SLC35F4: variants seen among roughly 807,000 people sequenced by gnomAD.
The protein encoded by SLC35F4 is solute carrier family 35 member F4, also known as chromosome 14 open reading frame 36.
Under a neutral mutation model 44.2 loss-of-function variants are expected in SLC35F4, and 24 were observed. That is an observed-to-expected ratio of 0.54 (90% confidence interval 0.39 to 0.76). The LOEUF is 0.76. Ranked by LOEUF, SLC35F4 falls within the 30% of genes least tolerant of loss-of-function variation. The pLI, the probability that SLC35F4 is intolerant of heterozygous loss-of-function variation, is 0.00. For synonymous variants in SLC35F4, 238 were observed against 223.6 expected, an observed-to-expected ratio of 1.06 and a Z score of -0.57; for missense variants, 562 against 586.1, an observed-to-expected ratio of 0.96 and a Z score of 0.42.
At chr14:57,899,772 G>A (rs1888959567) in intron 1 of SLC35F4, among the ~76,000 whole-genome samples, 1 of 152,162 alleles carries the variant, frequency 6.6e-6, no homozygotes. Flanking sequence ...GTCCAGAGTT[G>A]GTTCCTGCCG....
chr14:57,690,560 G>T (rs940000508), intron 1 of SLC35F4, among the ~76,000 whole-genome samples: 2 of 152,040 alleles, frequency 1.3e-5, no homozygotes, highest in Non-Finnish European at 2.9e-5. Flanking sequence ...ATGAGGGATG[G>T]TTTGGGATGA....
intron 1 of SLC35F4, among the ~76,000 whole-genome samples, chr14:57,776,769 A>G (rs1256893201): frequency 6.6e-6 from 1 of 152,158 alleles, no homozygotes; most frequent in Non-Finnish European, 1.5e-5. Flanking sequence ...CAGAAACTCT[A>G]TAAGCCAGAA....
intron 1 of SLC35F4, among the ~76,000 whole-genome samples, chr14:57,672,990 A>C (rs1006717998): frequency 5.3e-5 from 8 of 152,134 alleles, no homozygotes; most frequent in African/African-American, 1.9e-4. Context: ...ATAAAAAAAT[A>C]AAATTTGCCA....
intron 1 of SLC35F4, among the ~76,000 whole-genome samples, chr14:57,979,557 T>C (rs180691750): frequency 6.6e-6 from 1 of 152,246 alleles, no homozygotes; most frequent in Non-Finnish European, 1.5e-5. Flanking sequence ...TACTAGACCA[T>C]GCAAAGAATA....
chr14:57,651,671 C>T (rs1173823900), intron 1 of SLC35F4, among the ~76,000 whole-genome samples: 3 of 152,112 alleles, frequency 2.0e-5, no homozygotes, highest in Non-Finnish European at 4.4e-5. Context: ...CTAGACTGGT[C>T]ATTCAAGCTC....
At chr14:57,796,367 A>C (rs2078054480) in intron 1 of SLC35F4, among the ~76,000 whole-genome samples, 2 of 152,142 alleles carry the variant, frequency 1.3e-5, no homozygotes, top group East Asian at 3.9e-4. Flanking sequence ...ATCTATTTTC[A>C]CCAGATTTGT....
rs1346081413 is a variant in SLC35F4 at position 57,655,877 on chromosome 14, A to G, written c.104-61753T>C. On this transcript the variant is annotated intron_variant, in intron 1 of 7. Coordinates refer to ENST00000556826, the MANE Select transcript of SLC35F4 (RefSeq NM_001306087.2). Reference sequence around the variant, plus strand: ...TTACAAATGACCATTTTCCTAGGTTAGCATGGTTATCCCTTTAGCATCTCT... The same window carrying G: ...TTACAAATGACCATTTTCCTAGGTTGGCATGGTTATCCCTTTAGCATCTCT... Among the ~76,000 whole-genome samples the G allele has an allele frequency of 2.0e-5, 3 of 152,194 alleles. No individual in the cohort carries two copies. The East Asian group carries it at 5.8e-4, about 29-fold the overall frequency.
At chr14:57,868,218 T>C (rs1284577000), upstream of SLC35F4, among the ~76,000 whole-genome samples, 2 of 152,180 alleles carry the variant, frequency 1.3e-5, no homozygotes, top group Non-Finnish European at 2.9e-5. Flanking sequence ...AATTTTAAAA[T>C]AGCAAAGCAC....
chr14:57,825,712 A>G (rs879791075), intron 1 of SLC35F4, among the ~76,000 whole-genome samples: 14 of 152,160 alleles, frequency 9.2e-5, no homozygotes, highest in Non-Finnish European at 1.8e-4. Flanking sequence ...AAGTATTCCT[A>G]TATACCGACA....
At chr14:57,800,700 C>T (rs1239469285) in intron 1 of SLC35F4, among the ~76,000 whole-genome samples, 5 of 151,952 alleles carry the variant, frequency 3.3e-5, no homozygotes, top group East Asian at 1.9e-4. Context: ...AAAAATACAA[C>T]GCAAGAACAT....
intron 1 of SLC35F4, among the ~76,000 whole-genome samples, chr14:57,741,512 A>T (rs970124603): frequency 1.7e-4 from 25 of 149,480 alleles, no homozygotes; most frequent in Admixed American, 2.0e-4. Flanking sequence ...CAAATGAATG[A>T]AATGAAGCGA....
At chr14:57,600,713 A>AC (rs796932982) in intron 1 of SLC35F4, among the ~76,000 whole-genome samples, 24,613 of 122,194 alleles carry the variant, frequency 0.2, 4,176 homozygotes, top group Non-Finnish European at 0.27. Flanking sequence ...AAAAAAAAAA[A>AC]AAAAAACCAA....
At chr14:57,590,253 G>A (rs2070084905) in intron 2 of SLC35F4, among the ~76,000 whole-genome samples, 2 of 147,844 alleles carry the variant, frequency 1.4e-5, no homozygotes, top group South Asian at 4.4e-4. Flanking sequence ...ATTAGCCGTG[G>A]GAGGTGGCAT....
intron 1 of SLC35F4, among the ~76,000 whole-genome samples, chr14:57,758,923 T>C: frequency 6.6e-6 from 1 of 152,308 alleles, no homozygotes; most frequent in Non-Finnish European, 1.5e-5. Flanking sequence ...GAAACCACCA[T>C]TCTATCCTCT....
intron 1 of SLC35F4, among the ~76,000 whole-genome samples, chr14:57,855,516 G>C (rs377237381): frequency 6.6e-6 from 1 of 152,098 alleles, no homozygotes; most frequent in South Asian, 2.1e-4. Flanking sequence ...TTAGAATGGC[G>C]ATCATTTAAA....
intron 1 of SLC35F4, among the ~76,000 whole-genome samples, chr14:57,664,363 G>C (rs956563283): frequency 6.6e-6 from 1 of 152,020 alleles, no homozygotes; most frequent in Admixed American, 6.6e-5. Flanking sequence ...TGGGACACTG[G>C]GACACTGAGG....
intron 1 of SLC35F4, among the ~76,000 whole-genome samples, chr14:57,926,493 G>C (rs1225021858): frequency 2.0e-5 from 3 of 151,994 alleles, no homozygotes; most frequent in East Asian, 3.9e-4. Context: ...TTACTAAAGG[G>C]GGAAACAACC....
chr14:57,581,362 G>C lies in SLC35F4; in HGVS notation c.659C>G (p.Ser220Cys). 1 of 1,613,442 alleles carries C rather than the reference G, an allele frequency of 6.2e-7. No individual in the cohort carries two copies. The highest frequency in any genetic ancestry group is 8.5e-7 in the Non-Finnish European group (1 of 1,179,704). Residue 220 changes from serine to cysteine, a missense_variant, in exon 4 of 8, where the codon TCT becomes TGT. Transcript: ENST00000556826. Reference protein sequence around the residue: ...KLFLKRTAPFSILWTLTNYLY... With the variant: ...KLFLKRTAPFCILWTLTNYLY... ...GTAATTAGTCAAAGTCCATAGAATA[G>C]AAAAGGGAGCAGTTCTTTTAAGAAA... is the stretch of plus-strand genomic sequence containing the variant.
intron 1 of SLC35F4, among the ~76,000 whole-genome samples, chr14:57,967,369 A>G (rs1880905003): frequency 6.6e-6 from 1 of 152,216 alleles, no homozygotes; most frequent in Non-Finnish European, 1.5e-5. Flanking sequence ...CGCTGATTGC[A>G]GTTTGTAATA....
Sources: gnomAD v4.1 joint callset for allele counts (sites outside exome capture counted in the v4.1 genomes callset) on GRCh38, gnomAD v4.1.1 for gene constraint, MANE v1.5 for transcripts, NCBI Gene and HGNC (gene_info 2026-07-23, HGNC 2026-07-21) for gene names.